The following COL5A1 variants were observed in gnomAD, a reference collection of about 807,000 sequenced individuals.
COL5A1 encodes collagen alpha-1(V) chain.
A neutral mutation model predicts 263.7 loss-of-function variants in COL5A1; 16 were observed. The observed-to-expected ratio is 0.06, with a 90% CI of 0.04 to 0.09. The LOEUF is 0.09. Among genes scored for constraint, COL5A1 ranks in the 10% least tolerant of loss-of-function variants. The probability of loss-of-function intolerance (pLI) is 1.00; values close to 1 mark genes in which losing one functional copy is unlikely to be tolerated. For missense variants in COL5A1, 2,036 were observed against 2,540.5 expected (o/e 0.80, Z 4.27); for synonymous variants, 1,012 against 1,004.5 (o/e 1.01, Z -0.14).
intron 2 of COL5A1, among the ~76,000 whole-genome samples, chr9:134,698,030 G>C (rs1212092803): frequency 6.7e-6 from 1 of 149,810 alleles, no homozygotes; most frequent in Non-Finnish European, 1.5e-5. Flanking sequence ...GTTGCAGTGA[G>C]CCGAGATCTC....
In COL5A1 at chr9:134,804,977, T is replaced by C. The variant is rs1838245364; in HGVS notation, c.3117T>C (p.Gly1039=). 1 of 1,613,198 alleles carries C rather than the reference T, an allele frequency of 6.2e-7. No homozygotes were observed. Among genetic ancestry groups the C allele is most frequent in the Admixed American group, 1.7e-5 (1 of 60,018 alleles). Residue 1039 remains glycine, a splice_region_variant and synonymous_variant, in exon 40 of 66, where the codon GGT becomes GGC. Transcript: ENST00000371817. The part of the protein sequence containing the change: ...PGLAGKEGTK[G]DPGPAGLPGK... ...CTCATCTCTGACTCTGTTTTCAGGG[T>C]GACCCAGGCCCTGCAGGCCTCCCTG...
Position 134,750,810 on chromosome 9 carries a change from C to T in COL5A1, c.1590C>T (p.Gly530=), listed in dbSNP as rs769010469. The T allele has an allele frequency of 3.4e-5, 55 of 1,613,182 alleles. 2 individuals carry two copies. The South Asian group carries it at 4.6e-4, about 14-fold the overall frequency. Reference sequence around the variant, plus strand: ...TGCAGTTCCGGTTTGGAGGTGGCGGCGATGCGGGCTCCAAAGGCCCCATGG... The same window carrying T: ...TGCAGTTCCGGTTTGGAGGTGGCGGTGATGCGGGCTCCAAAGGCCCCATGG... The part of the protein sequence containing the change: ...LMLPFRFGGG[G]DAGSKGPMVS... Residue 530 remains glycine (G), a synonymous_variant, in exon 13 of 66, where the codon GGC becomes GGT. Transcript: ENST00000371817.
intron 39 of COL5A1, among the ~76,000 whole-genome samples, chr9:134,803,821 C>T (rs926047237): frequency 6.6e-5 from 10 of 151,334 alleles, no homozygotes; most frequent in Non-Finnish European, 1.5e-4. Flanking sequence ...CCAGCCTGGG[C>T]GACAGAGCGA....
chr9:134,763,318 C>A (rs1012151119), intron 19 of COL5A1, among the ~76,000 whole-genome samples: 1 of 152,216 alleles, frequency 6.6e-6, no homozygotes, highest in Non-Finnish European at 1.5e-5. Flanking sequence ...ACACCTGGTT[C>A]CCCAGAGGGT....
At chr9:134,823,778 T>A (rs559800979) in intron 61 of COL5A1, among the ~76,000 whole-genome samples, 2 of 152,284 alleles carry the variant, frequency 1.3e-5, no homozygotes, top group South Asian at 4.1e-4. Flanking sequence ...ACTGGGCACG[T>A]GTGTGTGCAT....
At chr9:134,646,429 T>C (rs369387141) in intron 1 of COL5A1, among the ~76,000 whole-genome samples, 2 of 152,166 alleles carry the variant, frequency 1.3e-5, no homozygotes, top group Non-Finnish European at 1.5e-5. Flanking sequence ...CTCCTCCACC[T>C]CTGGCTTTAA....
chr9:134,750,409 G>C (rs560630138), intron 11 of COL5A1, 133 bp from the exon 12 acceptor site: 1 of 791,266 alleles, frequency 1.3e-6, no homozygotes, highest in Non-Finnish European at 2.2e-6. Flanking sequence ...TTCCTGCCAC[G>C]GGGTCTCACA....
Position 134,756,912 on chromosome 9 carries a change from T to G in COL5A1, c.1881+94T>G, listed in dbSNP as rs529448797. The stretch of plus-strand genomic sequence containing the variant: ...ACCAAAATGCTGGTTATGTGATGAC[T>G]ACGATTATGATGACAGGTGGCTCCG... On this transcript the variant is annotated intron_variant, in intron 17 of 65. Coordinates refer to ENST00000371817, the MANE Select transcript of COL5A1 (RefSeq NM_000093.5). The G allele has an allele frequency of 3.1e-5, 39 of 1,244,048 alleles. No homozygotes were observed. The African/African-American group carries it at 5.3e-4, about 17-fold the overall frequency. 77.1% of individuals were successfully genotyped at this position (1,244,048 alleles called of 1,614,324 possible).
At chr9:134,718,687 C>T (rs745744547) in intron 4 of COL5A1, among the ~76,000 whole-genome samples, 25 of 152,186 alleles carry the variant, frequency 1.6e-4, no homozygotes, top group Non-Finnish European at 3.1e-4. Flanking sequence ...TGACTTGGCA[C>T]GATGTCCTTG....
intron 63 of COL5A1, among the ~76,000 whole-genome samples, chr9:134,826,751 G>A (rs1839289715): frequency 6.6e-6 from 1 of 150,502 alleles, no homozygotes; most frequent in African/African-American, 2.5e-5. Flanking sequence ...GTGTTCGGGT[G>A]TGTGTGGCTG....
intron 4 of COL5A1, among the ~76,000 whole-genome samples, chr9:134,723,491 C>T (rs1240195291): frequency 2.0e-5 from 3 of 152,222 alleles, no homozygotes; most frequent in Non-Finnish European, 4.4e-5. Flanking sequence ...AGGGGCCCCG[C>T]TGCACACATA....
chr9:134,649,790 C>T (rs1831608246), intron 1 of COL5A1, among the ~76,000 whole-genome samples: 1 of 152,132 alleles, frequency 6.6e-6, no homozygotes, highest in South Asian at 2.1e-4. Context: ...ACCCAAATGC[C>T]CATCAATGAT....
At chr9:134,815,149 C>T (rs1264101355) in intron 50 of COL5A1, among the ~76,000 whole-genome samples, 1 of 152,232 alleles carries the variant, frequency 6.6e-6, no homozygotes, top group South Asian at 2.1e-4. Context: ...GCCAGGCGGC[C>T]GGCTGAGATG....
chr9:134,780,193 C>T (rs368464825), intron 28 of COL5A1, 47 bp downstream of exon 28: 525 of 1,590,536 alleles, frequency 3.3e-4, no homozygotes, highest in Middle Eastern at 1.0e-3. Flanking sequence ...AGTCCGGAGC[C>T]GAATTCCAGC....
chr9:134,754,368 G>A lies in COL5A1; in HGVS notation c.1827+42G>A. 1.2e-6 allele frequency: 2 copies of A among 1,612,626 alleles called. No individual in the cohort carries two copies. Among genetic ancestry groups the A allele is most frequent in the Non-Finnish European group, 1.7e-6 (2 of 1,179,030 alleles). ...TGTGTGGTTTAGTGACAGCAGCTTG[G>A]GCGCTGGAGGAGCCCAAATCTGGGG... On this transcript the variant is annotated intron_variant, in intron 16 of 65. Coordinates refer to ENST00000371817, the MANE Select transcript of COL5A1 (RefSeq NM_000093.5). The surrounding 1 kb of genome is among the most constrained non-coding windows in gnomAD (Gnocchi z 4.3).
chr9:134,665,117 TGAA>T (rs57861847), intron 1 of COL5A1, among the ~76,000 whole-genome samples: 5,630 of 152,252 alleles, frequency 0.037, 230 homozygotes, highest in African/African-American at 0.099. Flanking sequence ...GAGAATCACG[TGAA>T]CCCTGGAGAC....
chr9:134,772,767 C>T (rs749078780), intron 25 of COL5A1, 23 bp from the exon 26 acceptor site: 7 of 1,613,898 alleles, frequency 4.3e-6, no homozygotes, highest in Non-Finnish European at 5.1e-6. Context: ...ACTGACTAAT[C>T]AATGCTTCTT....
chr9:134,723,389 C>T (rs1327353644), intron 4 of COL5A1, among the ~76,000 whole-genome samples: 3 of 152,196 alleles, frequency 2.0e-5, no homozygotes, highest in South Asian at 4.1e-4. Context: ...TGCTCTGGGC[C>T]TGATGCCTGC....
intron 35 of COL5A1, 110 bp downstream of exon 35, chr9:134,796,528 T>TACCCTTCA: frequency 8.7e-7 from 1 of 1,144,752 alleles, no homozygotes; most frequent in African/African-American, 1.5e-5. Context: ...CCTCAGACCC[T>TACCCTTCA]GCTGAAGGGT....
Sources: allele counts gnomAD v4.1 joint callset (sites outside exome capture counted in the v4.1 genomes callset), GRCh38; gene constraint gnomAD v4.1.1; non-coding constraint Gnocchi (gnomAD v3.1); transcripts MANE v1.5; gene names NCBI Gene and HGNC (gene_info 2026-07-23, HGNC 2026-07-21).